Variants in CDK5RAP2 observed in about 807,000 individuals in gnomAD.
CDK5RAP2 encodes CDK5 regulatory subunit associated protein 2, also known as CDK5 regulatory subunit-associated protein 2.
Under a neutral mutation model 232.9 loss-of-function variants are expected in CDK5RAP2, and 147 were observed. The ratio of observed to expected loss-of-function variants is 0.63; its 90% CI spans 0.55 to 0.72. The LOEUF (loss-of-function observed/expected upper bound fraction) is 0.72, where lower values mean the gene tolerates loss of function less well. CDK5RAP2 is among the 30% of genes least tolerant of loss of function. The probability of loss-of-function intolerance (pLI) is 0.00; values close to 1 mark genes in which losing one functional copy is unlikely to be tolerated. For synonymous variants in CDK5RAP2, 833 were observed against 833.7 expected (o/e 1.00, Z 0.01); for missense variants, 2,195 against 2,231.5 (o/e 0.98, Z 0.33).
chr9:120,546,512 G>A (rs1016165088), intron 4 of CDK5RAP2, among the ~76,000 whole-genome samples: 6 of 152,226 alleles, frequency 3.9e-5, no homozygotes, highest in Non-Finnish European at 7.3e-5. Context: ...ATCTACAAAT[G>A]TATCCCAGAC....
At chr9:120,538,221 T>C (rs1309995857) in intron 6 of CDK5RAP2, among the ~76,000 whole-genome samples, 2 of 152,132 alleles carry the variant, frequency 1.3e-5, no homozygotes, top group African/African-American at 4.8e-5. Context: ...ACATCATAAA[T>C]GGAAAATTGT....
chr9:120,458,810 T>C (rs1236298085), intron 19 of CDK5RAP2, among the ~76,000 whole-genome samples, 188 bp from the exon 20 acceptor site: 1 of 152,098 alleles, frequency 6.6e-6, no homozygotes, highest in African/African-American at 2.4e-5. Context: ...TGCAGGTGCA[T>C]ACATACTCAC....
At chr9:120,545,679 C>T (rs117380020) in intron 5 of CDK5RAP2, 35 bp downstream of exon 5, 112 of 1,540,098 alleles carry the variant, frequency 7.3e-5, no homozygotes, top group Non-Finnish European at 9.4e-5. Flanking sequence ...CCAGTGTGGG[C>T]GACTTGCAAG....
chr9:120,403,731 G>A lies in CDK5RAP2; in HGVS notation c.5041+305C>T. Reference sequence around the variant, plus strand: ...CCCCTGTGTGGCTACACCAGGTTAAGGGATAAGGCTGGACGGACCCACTGG... The same window carrying A: ...CCCCTGTGTGGCTACACCAGGTTAAAGGATAAGGCTGGACGGACCCACTGG... On this transcript the variant is annotated intron_variant, in intron 33 of 37. Transcript: ENST00000349780. This position sits in a 1 kb window ranked among gnomAD's most constrained non-coding sequence, Gnocchi z 4.2. 1 of 446,350 alleles carries A rather than the reference G, an allele frequency of 2.2e-6. No individual in the cohort carries two copies. The highest frequency in any genetic ancestry group is 4.2e-6 in the Non-Finnish European group (1 of 240,958). The allele number at this position is 446,350 out of a possible 1,614,324, so 27.6% of individuals were successfully genotyped here.
At chr9:120,554,081 A>G (rs1449551455) in intron 3 of CDK5RAP2, among the ~76,000 whole-genome samples, 1 of 152,216 alleles carries the variant, frequency 6.6e-6, no homozygotes, top group African/African-American at 2.4e-5. Context: ...CACATTGTGC[A>G]CTCATAGGAA....
intron 25 of CDK5RAP2, among the ~76,000 whole-genome samples, chr9:120,435,430 T>C (rs1436780695): frequency 6.6e-6 from 1 of 151,778 alleles, no homozygotes; most frequent in Non-Finnish European, 1.5e-5. Flanking sequence ...AAAGGCACCA[T>C]TGTGAAGTAA....
rs115704897 is a variant in CDK5RAP2, at chr9:120,503,773, C to T, written c.1312-12296G>A. On this transcript the variant is annotated intron_variant, in intron 12 of 37. Coordinates refer to ENST00000349780, the MANE Select transcript of CDK5RAP2 (RefSeq NM_018249.6). ...TGCAGAGCAAATGAAGCCGTGTCAC[C>T]TCTCTCTGTCCCCACATACAACCCC... Among the ~76,000 whole-genome samples the T allele has an allele frequency of 7.2e-3, 1,099 of 152,190 alleles. 12 individuals carry two copies. The highest frequency in any genetic ancestry group is 0.024 in the African/African-American group (1,015 of 41,506).
At chr9:120,426,653 T>G (rs532801123) in intron 25 of CDK5RAP2, among the ~76,000 whole-genome samples, 1 of 152,274 alleles carries the variant, frequency 6.6e-6, no homozygotes, top group African/African-American at 2.4e-5. Context: ...GCCAATCTCT[T>G]CAGGATCAGA....
At chr9:120,524,861 C>T in intron 11 of CDK5RAP2, 125 bp downstream of exon 11, 1 of 710,252 alleles carries the variant, frequency 1.4e-6, no homozygotes, top group Non-Finnish European at 2.5e-6. Context: ...CTAGCAAATT[C>T]TATCACTGAA....
chr9:120,535,587 C>T (rs991105073), intron 7 of CDK5RAP2, among the ~76,000 whole-genome samples: 2 of 152,238 alleles, frequency 1.3e-5, no homozygotes, highest in Non-Finnish European at 2.9e-5. Context: ...AGCAGTTGGA[C>T]TTATATTTAG....
At chr9:120,423,714 C>T (rs569001907) in intron 25 of CDK5RAP2, among the ~76,000 whole-genome samples, 8 of 152,344 alleles carry the variant, frequency 5.3e-5, no homozygotes, top group Non-Finnish European at 8.8e-5. Context: ...AAAACAAACT[C>T]TTCTACAGTT....
At chr9:120,405,682 T>C (rs749495456) in intron 32 of CDK5RAP2, among the ~76,000 whole-genome samples, 13 of 152,250 alleles carry the variant, frequency 8.5e-5, no homozygotes, top group Non-Finnish European at 1.5e-4. Flanking sequence ...TCCAAACTTA[T>C]GAGGTTCCCC....
chr9:120,460,571 C>T lies in CDK5RAP2; in HGVS notation c.2202+1G>A, dbSNP rs755591966. The T allele has an allele frequency of 1.5e-5, 25 of 1,613,820 alleles. No homozygotes were observed. Among genetic ancestry groups the T allele is most frequent in the Non-Finnish European group, 2.1e-5 (25 of 1,179,872 alleles). Reference sequence around the variant, plus strand: ...TAAGGAGTTAACTGAAAGGTTCCTACCTCATTACTCTGCTGCAAATGCTGG... The same window carrying T: ...TAAGGAGTTAACTGAAAGGTTCCTATCTCATTACTCTGCTGCAAATGCTGG... On this transcript the variant is annotated splice_donor_variant, in intron 19 of 37. Transcript: ENST00000349780. LOFTEE classifies it high-confidence loss of function.
chr9:120,570,479 T>G (rs1042495851), intron 2 of CDK5RAP2, among the ~76,000 whole-genome samples: 1 of 152,170 alleles, frequency 6.6e-6, no homozygotes, highest in African/African-American at 2.4e-5. Flanking sequence ...GTAACCACAT[T>G]TGAGGTTGAA....
At chr9:120,415,570 G>A (rs951499850) in intron 27 of CDK5RAP2, among the ~76,000 whole-genome samples, 17 of 152,032 alleles carry the variant, frequency 1.1e-4, no homozygotes, top group African/African-American at 3.6e-4. Context: ...AGATATTTTC[G>A]AGACTAATTT....
At chr9:120,443,345 A>T (rs2036002345) in intron 23 of CDK5RAP2, among the ~76,000 whole-genome samples, 1 of 152,106 alleles carries the variant, frequency 6.6e-6, no homozygotes, top group Non-Finnish European at 1.5e-5. Flanking sequence ...ATGTTGAACC[A>T]CCAGAACCCA....
chr9:120,411,728 G>A (rs1769188084), intron 28 of CDK5RAP2, among the ~76,000 whole-genome samples: 1 of 152,190 alleles, frequency 6.6e-6, no homozygotes, highest in South Asian at 2.1e-4. Flanking sequence ...GGATGAGTGA[G>A]TGAGAGTCTT....
chr9:120,488,306 TAGAA>T (rs1481743286), intron 13 of CDK5RAP2, among the ~76,000 whole-genome samples: 1 of 152,248 alleles, frequency 6.6e-6, no homozygotes, highest in African/African-American at 2.4e-5. Context: ...TGAACTGTAA[TAGAA>T]AGAACTAGGA....
chr9:120,568,480 G>T (rs75688196), intron 2 of CDK5RAP2, 92 bp from the exon 3 acceptor site: 6 of 907,366 alleles, frequency 6.6e-6, no homozygotes, highest in Non-Finnish European at 3.7e-6. Flanking sequence ...AAAACAACAC[G>T]AACTGCTTCC....
Sources: gnomAD v4.1 joint callset for allele counts (sites outside exome capture counted in the v4.1 genomes callset) on GRCh38, gnomAD v4.1.1 for gene constraint, Gnocchi (gnomAD v3.1) non-coding constraint, MANE v1.5 for transcripts, NCBI Gene and HGNC (gene_info 2026-07-23, HGNC 2026-07-21) for gene names.